The following ACTN4 variants were observed in gnomAD, a reference collection of about 807,000 sequenced individuals.
ACTN4 encodes actinin alpha 4.
A neutral mutation model predicts 114.2 loss-of-function variants in ACTN4; 18 were observed. That is an observed-to-expected ratio of 0.16 (90% confidence interval 0.11 to 0.23). The LOEUF (loss-of-function observed/expected upper bound fraction) is 0.23, where lower values mean the gene tolerates loss of function less well. ACTN4 is among the 10% of genes least tolerant of loss of function. ACTN4 has a pLI of 1.00. For missense variants in ACTN4, 722 were observed against 1,262.9 expected (o/e 0.57, Z 6.49); for synonymous variants, 515 against 506.3 (o/e 1.02, Z -0.23).
chr19:38,716,722 A>G (rs1599845075), intron 9 of ACTN4, among the ~76,000 whole-genome samples: 1 of 152,354 alleles, frequency 6.6e-6, no homozygotes, highest in East Asian at 1.9e-4. Flanking sequence ...CTGTAGTCCC[A>G]ACTACTTGGG....
At chr19:38,676,083 A>G (rs1712014622) in intron 1 of ACTN4, among the ~76,000 whole-genome samples, 1 of 152,266 alleles carries the variant, frequency 6.6e-6, no homozygotes, top group Non-Finnish European at 1.5e-5. Context: ...TGGAGCCTTT[A>G]TAGGGTCTTG....
intron 1 of ACTN4, among the ~76,000 whole-genome samples, chr19:38,661,338 T>A (rs1299196237): frequency 4.6e-5 from 7 of 152,198 alleles, no homozygotes. Context: ...TGCAGTTATC[T>A]CTGTGATGAT....
intron 1 of ACTN4, among the ~76,000 whole-genome samples, chr19:38,664,132 C>G (rs1976978912): frequency 6.6e-6 from 1 of 152,186 alleles, no homozygotes; most frequent in African/African-American, 2.4e-5. Context: ...CCTCTGTTGC[C>G]CTGCAACGCG....
intron 1 of ACTN4, among the ~76,000 whole-genome samples, chr19:38,654,492 G>A (rs1976655638): frequency 1.3e-5 from 2 of 151,650 alleles, no homozygotes; most frequent in Admixed American, 6.6e-5. Flanking sequence ...AACCTGGAAG[G>A]TGGAGGTTGC....
At position 38,724,350 on chromosome 19, in the gene ACTN4, G is replaced by T. The variant is rs754818136; in HGVS notation, c.1875+11G>T. On this transcript the variant is annotated intron_variant, in intron 15 of 20. Transcript: ENST00000252699. This position sits in a 1 kb window ranked among gnomAD's most constrained non-coding sequence, Gnocchi z 7.0. ...TCCAAGTGGGAGAAGGTGGGCCGGG[G>T]CCATCCGTAGGGGCTGGGGCAGGAC... 3.7e-6 allele frequency: 6 copies of T among 1,613,024 alleles called. No homozygotes were observed. Among genetic ancestry groups the T allele is most frequent in the Non-Finnish European group, 4.2e-6 (5 of 1,179,852 alleles).
intron 1 of ACTN4, among the ~76,000 whole-genome samples, chr19:38,653,341 C>T (rs901641381): frequency 6.6e-6 from 1 of 151,764 alleles, no homozygotes; most frequent in African/African-American, 2.4e-5. Context: ...GAACACTTTC[C>T]GTTTTTGCTA....
At chr19:38,679,552 A>G (rs1202202215) in intron 1 of ACTN4, among the ~76,000 whole-genome samples, 2 of 137,030 alleles carry the variant, frequency 1.5e-5, no homozygotes, top group African/African-American at 2.6e-5. Flanking sequence ...TACGTGCTCA[A>G]ATAGATTTGG....
chr19:38,673,647 T>A (rs1419303586), intron 1 of ACTN4, among the ~76,000 whole-genome samples: 1 of 45,624 alleles, frequency 2.2e-5, no homozygotes, highest in Admixed American at 2.8e-4. Flanking sequence ...TTATATATAT[T>A]TATATATTTA....
At chr19:38,707,345 G>A (rs1473489218) in intron 5 of ACTN4, among the ~76,000 whole-genome samples, 2 of 151,978 alleles carry the variant, frequency 1.3e-5, no homozygotes, top group African/African-American at 2.4e-5. Flanking sequence ...ACCACAGCGC[G>A]GGGACCAGCT....
rs146499679 is a variant in ACTN4 at position 38,700,650 on chromosome 19, C to G, written c.213C>G (p.Ile71Met). The change falls in exon 2 of 21, where the codon ATC becomes ATG. Residue 71 changes from isoleucine to methionine, a missense_variant. By Grantham distance (10) the Ile-to-Met change is conservative (BLOSUM62 1). Transcript: ENST00000252699. The part of the protein sequence containing the change: ...NSHLRKAGTQ[I>M]ENIDEDFRDG... ...ACCTGCGGAAGGCAGGCACACAGATCGAGAACATTGATGAGGACTTCCGAG... is the reference window on the plus strand; with the variant it reads ...ACCTGCGGAAGGCAGGCACACAGATGGAGAACATTGATGAGGACTTCCGAG... The G allele has an allele frequency of 3.1e-6, 5 of 1,614,070 alleles. No homozygotes were observed. The African/African-American group carries it at 5.3e-5, about 17-fold the overall frequency.
At chr19:38,667,703 C>T (rs147301309) in intron 1 of ACTN4, among the ~76,000 whole-genome samples, 27 of 122,638 alleles carry the variant, frequency 2.2e-4, no homozygotes, top group South Asian at 1.1e-3. Flanking sequence ...CTGTTTCTTC[C>T]ACCAAAAAAA....
intron 3 of ACTN4, 31 bp downstream of exon 3, chr19:38,701,152 G>C: frequency 6.2e-7 from 1 of 1,613,188 alleles, no homozygotes; most frequent in African/African-American, 1.3e-5. Context: ...CGAGGGTCCT[G>C]CTCGGTTTCT....
chr19:38,712,953 C>A (rs1001160766), intron 8 of ACTN4, among the ~76,000 whole-genome samples: 1 of 135,296 alleles, frequency 7.4e-6, no homozygotes, highest in African/African-American at 2.7e-5. Flanking sequence ...TTGTCACTGG[C>A]CCCTCTCTGA....
chr19:38,690,422 G>A (rs1039509970), intron 1 of ACTN4, among the ~76,000 whole-genome samples: 19 of 152,322 alleles, frequency 1.2e-4, no homozygotes, highest in Admixed American at 9.2e-4. Context: ...CTCAGTGCTC[G>A]AGTTTGTCCT....
chr19:38,659,727 C>G (rs1337097012), intron 1 of ACTN4, among the ~76,000 whole-genome samples: 3 of 152,080 alleles, frequency 2.0e-5, no homozygotes, highest in Non-Finnish European at 4.4e-5. Flanking sequence ...AATGCATGTT[C>G]CTATCAGACA....
At position 38,718,069 on chromosome 19, in the gene ACTN4, C is replaced by T; in HGVS notation, c.1286C>T (p.Thr429Ile). The T allele has an allele frequency of 6.2e-7, 1 of 1,608,212 alleles. No homozygotes were observed. The highest frequency in any genetic ancestry group is 8.5e-7 in the Non-Finnish European group (1 of 1,177,364). ...AAGGCCTCCATCCACGAGGCCTGGA[C>T]TGACGGTACGGCCCAGCTCTGCCCC... Reference protein sequence around the residue: ...RQKASIHEAWTDGKEAMLKHR... With the variant: ...RQKASIHEAWIDGKEAMLKHR... Residue 429 changes from threonine (T) to isoleucine (I), a missense_variant, in exon 11 of 21, where the codon ACT (threonine) becomes ATT (isoleucine). Transcript: ENST00000252699.
At position 38,731,190 on chromosome 19, in the gene ACTN4, AG is replaced by A. The variant is rs745940870; in HGVS notation, c.*1761del. 1 of 1,612,470 alleles carries A rather than the reference AG, an allele frequency of 6.2e-7. No homozygotes were observed. Among genetic ancestry groups the A allele is most frequent in the Non-Finnish European group, 8.5e-7 (1 of 1,179,922 alleles). ...ACGGCTATCCCGGTAGCGGCTGGTG[AG>A]GGTCTGGGTCAGCTGGTTGTTCAGG... On this transcript the variant is annotated 3_prime_UTR_variant, in exon 21 of 21. Coordinates refer to ENST00000252699, the MANE Select transcript of ACTN4 (RefSeq NM_004924.6).
intron 1 of ACTN4, among the ~76,000 whole-genome samples, chr19:38,649,760 C>G (rs1483720362): frequency 6.6e-5 from 10 of 151,952 alleles, no homozygotes; most frequent in Non-Finnish European, 1.5e-4. Flanking sequence ...GCACAGGCAG[C>G]CTAGCCCAGG....
intron 1 of ACTN4, among the ~76,000 whole-genome samples, chr19:38,674,528 A>G (rs1271107690): frequency 6.6e-6 from 1 of 152,202 alleles, no homozygotes; most frequent in African/African-American, 2.4e-5. Context: ...CAGATCCCTA[A>G]CACAGCTCAT....
Sources: allele counts gnomAD v4.1 joint callset (sites outside exome capture counted in the v4.1 genomes callset), GRCh38; gene constraint gnomAD v4.1.1; non-coding constraint Gnocchi (gnomAD v3.1); transcripts MANE v1.5; gene names NCBI Gene and HGNC (gene_info 2026-07-23, HGNC 2026-07-21).